Variants in HBP1 observed in about 807,000 individuals in gnomAD.
HBP1 encodes HMG-box transcription factor 1, also known as HMG box-containing protein 1.
A neutral mutation model predicts 62.6 loss-of-function variants in HBP1; 20 were observed. That is an observed-to-expected ratio of 0.32 (90% CI 0.22 to 0.46). The LOEUF (loss-of-function observed/expected upper bound fraction) is 0.46, where lower values mean the gene tolerates loss of function less well. Ranked by LOEUF, HBP1 falls within the 20% of genes least tolerant of loss-of-function variation. The pLI is 1.00. For missense variants in HBP1, 480 were observed against 611.8 expected, an observed-to-expected ratio of 0.78 and a Z score of 2.27; for synonymous variants, 232 against 206.2, an observed-to-expected ratio of 1.12 and a Z score of -1.07.
In HBP1 at chr7:107,202,282, C is replaced by A. The variant is rs1798387600; in HGVS notation, c.*851C>A. On this transcript the variant is annotated 3_prime_UTR_variant, in exon 11 of 11. Transcript: ENST00000222574. Reference sequence around the variant, plus strand: ...ACTTTGCACTTACTGCAGTGCAACACTTGCACTTTAATTTTCCTCCAACTG... The same window carrying A: ...ACTTTGCACTTACTGCAGTGCAACAATTGCACTTTAATTTTCCTCCAACTG... The A allele has an allele frequency of 2.0e-5, 3 of 152,656 alleles. No homozygotes were observed. Among genetic ancestry groups the A allele is most frequent in the Non-Finnish European group, 4.4e-5 (3 of 68,044 alleles). 9.5% of individuals were successfully genotyped at this position (152,656 alleles called of 1,614,324 possible).
rs1798384198 is a variant in HBP1 at position 107,202,234 on chromosome 7, CAT to C, written c.*805_*806del. On this transcript the variant is annotated 3_prime_UTR_variant, in exon 11 of 11. Coordinates refer to ENST00000222574, the MANE Select transcript of HBP1 (RefSeq NM_012257.4). Reference sequence around the variant, plus strand: ...ATGTATCTTAAATATATTTTGTCATCATAATCTTTATGGTGGGGGCAGACTTT... The same window carrying C: ...ATGTATCTTAAATATATTTTGTCATCAATCTTTATGGTGGGGGCAGACTTT... The C allele has an allele frequency of 6.8e-6, 1 of 146,522 alleles. No homozygotes were observed. The highest frequency in any genetic ancestry group is 2.4e-5 in the African/African-American group (1 of 41,148). The allele number at this position is 146,522 out of a possible 1,614,324, so 9.1% of individuals were successfully genotyped here.
At chr7:107,198,124 G>A (rs887849461) in intron 9 of HBP1, among the ~76,000 whole-genome samples, 4 of 152,022 alleles carry the variant, frequency 2.6e-5, no homozygotes, top group African/African-American at 7.2e-5. Flanking sequence ...TATAAGGGGT[G>A]TAAATCTCAT....
chr7:107,181,834 A>G (rs1262747902), intron 2 of HBP1, among the ~76,000 whole-genome samples: 1 of 152,016 alleles, frequency 6.6e-6, no homozygotes, highest in Non-Finnish European at 1.5e-5. Context: ...GCTGGGTAAT[A>G]GTTCCAGTCA....
At chr7:107,172,125 G>C (rs961339298) in intron 1 of HBP1, among the ~76,000 whole-genome samples, 2 of 151,212 alleles carry the variant, frequency 1.3e-5, no homozygotes, top group Non-Finnish European at 2.9e-5. Flanking sequence ...ATTTTCTATA[G>C]AGAAACTAGA....
chr7:107,169,876 G>A (rs933601024), intron 1 of HBP1: 4 of 985,446 alleles, frequency 4.1e-6, no homozygotes, highest in Non-Finnish European at 4.8e-6. Context: ...CGTGAACCGG[G>A]AGGCACCGCT....
intron 1 of HBP1, among the ~76,000 whole-genome samples, chr7:107,171,525 A>G (rs1411715315): frequency 1.3e-5 from 2 of 152,044 alleles, no homozygotes; most frequent in Admixed American, 1.3e-4. Flanking sequence ...TGTTTGAAAT[A>G]AAAATACTGG....
chr7:107,189,723 G>A (rs922150497), intron 7 of HBP1, among the ~76,000 whole-genome samples: 12 of 152,100 alleles, frequency 7.9e-5, no homozygotes, highest in Middle Eastern at 3.2e-3. Context: ...TTTGGGTAAT[G>A]TAGTGATCTA....
At chr7:107,170,316 T>C (rs908108101) in intron 1 of HBP1, among the ~76,000 whole-genome samples, 12 of 152,192 alleles carry the variant, frequency 7.9e-5, no homozygotes, top group Non-Finnish European at 1.2e-4. Context: ...CTAATAGTGG[T>C]TTTGAAATTA....
In HBP1 at chr7:107,196,323, C is replaced by CA. The variant is rs1215077352; in HGVS notation, c.1385+173dup. ...TCGCTGTGTCACCCAAGCTGGAGTC[C>CA]AGTGGTACGATCTCAGCTCACTGCA... On this transcript the variant is annotated intron_variant, in intron 9 of 10. Coordinates refer to ENST00000222574, the MANE Select transcript of HBP1 (RefSeq NM_012257.4). 4.6e-6 allele frequency: 3 copies of CA among 647,326 alleles called. No individual in the cohort carries two copies. In the East Asian group the frequency reaches 9.1e-5, roughly 20 times the overall value. 40.1% of individuals were successfully genotyped at this position (647,326 alleles called of 1,614,324 possible). A position where few individuals can be genotyped will look rare whatever the true frequency, so the allele number is the denominator to read the frequency against.
At position 107,200,852 on chromosome 7, in the gene HBP1, T is replaced by TA. The variant is rs1237224408; in HGVS notation, c.1527+551_1527+552insA. On this transcript the variant is annotated intron_variant, in intron 10 of 10. Transcript: ENST00000222574. Reference sequence around the variant, plus strand: ...TATGATAAGCTATCTTGGATAGACTTGTTTCTTATAACTTTTCCATTACTA... The same window carrying TA: ...TATGATAAGCTATCTTGGATAGACTTAGTTTCTTATAACTTTTCCATTACTA... 2.0e-5 allele frequency: 3 copies of TA among 152,664 alleles called. No homozygotes were observed. In the East Asian group the frequency reaches 5.8e-4, roughly 29 times the overall value. The allele number at this position is 152,664 out of a possible 1,614,324, so 9.5% of individuals were successfully genotyped here. A position where few individuals can be genotyped will look rare whatever the true frequency, so the allele number is the denominator to read the frequency against.
chr7:107,171,073 A>ATATT, intron 1 of HBP1, among the ~76,000 whole-genome samples: 1,003 of 87,178 alleles, frequency 0.012, 93 homozygotes, highest in East Asian at 0.02. Flanking sequence ...ATATATATAT[A>ATATT]TTTTTTTTTT....
chr7:107,188,824 T>G (rs1257876770), intron 6 of HBP1, among the ~76,000 whole-genome samples: 2 of 152,200 alleles, frequency 1.3e-5, no homozygotes, highest in African/African-American at 4.8e-5. Flanking sequence ...TAAGCAAAAA[T>G]TGTCAGTACT....
At chr7:107,173,921 G>A (rs889602630) in intron 1 of HBP1, among the ~76,000 whole-genome samples, 4 of 152,200 alleles carry the variant, frequency 2.6e-5, no homozygotes, top group Non-Finnish European at 5.9e-5. Context: ...GCTCTACCAG[G>A]AGATATTTGA....
intron 1 of HBP1, among the ~76,000 whole-genome samples, chr7:107,170,981 GTA>G (rs1000416340): frequency 1.5e-4 from 19 of 123,586 alleles, no homozygotes; most frequent in East Asian, 1.3e-3. Context: ...TAACATACAT[GTA>G]TATATATAAA....
Position 107,202,216 on chromosome 7 carries a change from TTAAATA to T in HBP1, c.*788_*793del, listed in dbSNP as rs977361633. ...TTCTGTATCTCCTCAGCCATGTATC[TTAAATA>T]TATTTTGTCATCATAATCTTTATGG... On this transcript the variant is annotated 3_prime_UTR_variant, in exon 11 of 11. Transcript: ENST00000222574. 2 of 151,990 alleles carry T rather than the reference TTAAATA, an allele frequency of 1.3e-5. No individual in the cohort carries two copies. Among genetic ancestry groups the T allele is most frequent in the African/African-American group, 4.8e-5 (2 of 41,444 alleles). 9.4% of individuals were successfully genotyped at this position (151,990 alleles called of 1,614,324 possible). A position where few individuals can be genotyped will look rare whatever the true frequency, so the allele number is the denominator to read the frequency against.
At chr7:107,178,147 AT>A (rs1323087690) in intron 1 of HBP1, among the ~76,000 whole-genome samples, 1 of 152,054 alleles carries the variant, frequency 6.6e-6, no homozygotes, top group Non-Finnish European at 1.5e-5. Flanking sequence ...AAAAGTCAGG[AT>A]TTTTTTGTGT....
At chr7:107,175,738 ACGGAGTCTTGCTCTGT>A (rs1299387103) in intron 1 of HBP1, among the ~76,000 whole-genome samples, 1 of 131,118 alleles carries the variant, frequency 7.6e-6, no homozygotes, top group Non-Finnish European at 1.5e-5. Flanking sequence ...TTTTTTTGAG[ACGGAGTCTTGCTCTGT>A]CGCCCAGGCT....
intron 1 of HBP1, among the ~76,000 whole-genome samples, chr7:107,175,783 C>G (rs1339095257): frequency 1.3e-5 from 2 of 150,470 alleles, no homozygotes; most frequent in Non-Finnish European, 3.0e-5. Flanking sequence ...GTGGCGCAAT[C>G]CCAGCTCACT....
At chr7:107,196,339 G>C (rs1797899777) in intron 9 of HBP1, 188 bp downstream of exon 9, 2 of 620,166 alleles carry the variant, frequency 3.2e-6, no homozygotes, top group Non-Finnish European at 6.0e-6. Flanking sequence ...TACGATCTCA[G>C]CTCACTGCAA....
Sources: allele counts gnomAD v4.1 joint callset (sites outside exome capture counted in the v4.1 genomes callset), GRCh38; gene constraint gnomAD v4.1.1; transcripts MANE v1.5; gene names NCBI Gene and HGNC (gene_info 2026-07-23, HGNC 2026-07-21).